Variants in DCTN1 observed in about 807,000 individuals in gnomAD.
DCTN1 encodes 150 kDa dynein-associated polypeptide.
A neutral mutation model predicts 161.2 loss-of-function variants in DCTN1; 61 were observed. That is an observed-to-expected ratio of 0.38 (90% CI 0.31 to 0.47). The LOEUF (loss-of-function observed/expected upper bound fraction) is 0.47, where lower values mean the gene tolerates loss of function less well. Among genes scored for constraint, DCTN1 ranks in the 20% least tolerant of loss-of-function variants. The probability of loss-of-function intolerance (pLI) is 0.99; values close to 1 mark genes in which losing one functional copy is unlikely to be tolerated. For synonymous variants in DCTN1, 653 were observed against 632.4 expected (o/e 1.03, Z -0.49); for missense variants, 1,404 against 1,623.7 (o/e 0.86, Z 2.33).
rs2103630069 is a variant in DCTN1 at position 74,367,768 on chromosome 2, T to C, written c.2112A>G (p.Glu704=). The change falls in exon 18 of 32, where the codon GAA becomes GAG. Residue 704 remains glutamate (E), a synonymous_variant. Transcript: ENST00000628224. The part of the protein sequence containing the change: ...AHERSLDFLI[E]LLHKDQLDET... Reference sequence around the variant, plus strand: ...CATCCAGCTGATCCTTGTGCAGCAGTTCAATGAGGAAATCCAAGGAGCGCT... The same window carrying C: ...CATCCAGCTGATCCTTGTGCAGCAGCTCAATGAGGAAATCCAAGGAGCGCT... 6.2e-7 allele frequency: 1 copy of C among 1,614,114 alleles called. No homozygotes were observed. The highest frequency in any genetic ancestry group is 8.5e-7 in the Non-Finnish European group (1 of 1,180,014).
intron 1 of DCTN1, chr2:74,391,339 C>T: frequency 5.3e-6 from 1 of 189,776 alleles, no homozygotes; most frequent in East Asian, 1.6e-4. Context: ...CGCAAGATGA[C>T]CTCAAGGATC....
At chr2:74,382,652 A>T (rs1378371458), upstream of DCTN1, among the ~76,000 whole-genome samples, 1 of 151,954 alleles carries the variant, frequency 6.6e-6, no homozygotes, top group Non-Finnish European at 1.5e-5. Context: ...AACTGCAAAG[A>T]ATTACCTGAC....
chr2:74,371,864 C>G lies in DCTN1; in HGVS notation c.454-136G>C, dbSNP rs914903033. 1.3e-5 allele frequency: 9 copies of G among 703,940 alleles called. No homozygotes were observed. The African/African-American group carries it at 1.6e-4, about 12-fold the overall frequency. The allele number at this position is 703,940 out of a possible 1,614,324, so 43.6% of individuals were successfully genotyped here. On this transcript the variant is annotated intron_variant, in intron 7 of 31. Coordinates refer to ENST00000628224, the MANE Select transcript of DCTN1 (RefSeq NM_004082.5). ...AAAGCAGAAAGAGAGTATCAAAGCA[C>G]AGTGAGAAAAGAAGAATGAAGGGGA...
At chr2:74,382,891 T>G (rs11684510), upstream of DCTN1, among the ~76,000 whole-genome samples, 1 of 151,052 alleles carries the variant, frequency 6.6e-6, no homozygotes, top group Non-Finnish European at 1.5e-5. Context: ...GCTAACAAGG[T>G]GAAACCCTGT....
chr2:74,369,886 G>C lies in DCTN1; in HGVS notation c.1392+79C>G. 6.9e-7 allele frequency: 1 copy of C among 1,439,250 alleles called. No individual in the cohort carries two copies. Among genetic ancestry groups the C allele is most frequent in the Non-Finnish European group, 9.7e-7 (1 of 1,026,754 alleles). The allele number at this position is 1,439,250 out of a possible 1,614,324, so 89.2% of individuals were successfully genotyped here. A position where few individuals can be genotyped will look rare whatever the true frequency, so the allele number is the denominator to read the frequency against. On this transcript the variant is annotated intron_variant, in intron 13 of 31. Coordinates refer to ENST00000628224, the MANE Select transcript of DCTN1 (RefSeq NM_004082.5). This position sits in a 1 kb window ranked among gnomAD's most constrained non-coding sequence, Gnocchi z 4.9. ...GGCTGGGTCCCTCACCGCACACCCT[G>C]CTCAAAGGCCAAGGGTCACATGTCA...
rs185694177 is a variant in DCTN1, at chr2:74,361,394, G to C, written c.*105C>G. The C allele has an allele frequency of 3.4e-4, 526 of 1,540,162 alleles. 2 individuals carry two copies. In the African/African-American group the frequency reaches 6.3e-3, roughly 18 times the overall value. ...AGTGAAGCTGAACGGGGCAGGAAGA[G>C]CTTAACCCACGTTTCTACCTGGGGG... On this transcript the variant is annotated 3_prime_UTR_variant, in exon 32 of 32. Transcript: ENST00000628224.
rs1359633006 is a variant in DCTN1, at chr2:74,372,938, C to T, written c.443G>A (p.Arg148Gln). 4.3e-6 allele frequency: 7 copies of T among 1,613,912 alleles called. No homozygotes were observed. The highest frequency in any genetic ancestry group is 2.7e-5 in the African/African-American group (2 of 74,934). The stretch of plus-strand genomic sequence containing the variant: ...GGCCTGTTTTCTCACCTTGGGTCGC[C>T]GAGTTGTGGTCTGGACAGGCAACAG... The part of the protein sequence containing the change: ...KAPTARKTTT[R>Q]RPKPTRPAST... The change falls in exon 7 of 32, where the codon CGG becomes CAG. Residue 148 changes from arginine (R) to glutamine (Q), a missense_variant. By Grantham distance (43) the Arg-to-Gln change is conservative. Around this residue, in one of 9 missense-constraint regions of DCTN1, gnomAD observed 174 missense variants for 175.6 expected, o/e 0.99. Coordinates refer to ENST00000628224, the MANE Select transcript of DCTN1 (RefSeq NM_004082.5).
rs759306485 is a variant in DCTN1 at position 74,369,204 on chromosome 2, C to A, written c.1595G>T (p.Arg532Leu). 6.2e-7 allele frequency: 1 copy of A among 1,614,170 alleles called. No homozygotes were observed. The highest frequency in any genetic ancestry group is 8.5e-7 in the Non-Finnish European group (1 of 1,180,038). The change falls in exon 15 of 32, where the codon CGG becomes CTG. Residue 532 changes from arginine (R) to leucine (L), a missense_variant. Arg to Leu is a moderately radical substitution (Grantham distance 102). Transcript: ENST00000628224. The surrounding 1 kb of genome is among the most constrained non-coding windows in gnomAD (Gnocchi z 4.9). ...TGCTTCCTGCTGGTTTGTCAGTTCC[C>A]GATTCACATCCTAGGAGGAGAGACA... The part of the protein sequence containing the change: ...QLTAHLQDVN[R>L]ELTNQQEASV...
intron 6 of DCTN1, among the ~76,000 whole-genome samples, chr2:74,373,742 T>C (rs1157027159): frequency 6.6e-6 from 1 of 152,236 alleles, no homozygotes; most frequent in Non-Finnish European, 1.5e-5. Context: ...TGCTACCCAG[T>C]ATCTCACTGC....
chr2:74,361,329 C>A lies in DCTN1; in HGVS notation c.*170G>T, dbSNP rs1270919372. On this transcript the variant is annotated 3_prime_UTR_variant, in exon 32 of 32. Transcript: ENST00000628224. ...AGGCCAGGGAATGGGAGTGGGGGAACCCGGGTCAAGGTGAAGGGGCAGGAC... is the reference window on the plus strand; with the variant it reads ...AGGCCAGGGAATGGGAGTGGGGGAAACCGGGTCAAGGTGAAGGGGCAGGAC... The A allele has an allele frequency of 2.1e-6, 2 of 947,126 alleles. No homozygotes were observed. The highest frequency in any genetic ancestry group is 3.3e-6 in the Non-Finnish European group (2 of 611,030). The allele number at this position is 947,126 out of a possible 1,614,324, so 58.7% of individuals were successfully genotyped here.
intron 1 of DCTN1, among the ~76,000 whole-genome samples, chr2:74,379,763 T>C (rs1675424765): frequency 6.6e-6 from 1 of 152,130 alleles, no homozygotes; most frequent in Non-Finnish European, 1.5e-5. Context: ...GAGCCCCTGG[T>C]ATGAGGGCCA....
chr2:74,369,574 T>C lies in DCTN1; in HGVS notation c.1393-83A>G, dbSNP rs1457707806. ...GTTCACACCTGTAATCCCAGCACTTTGGGAGGTCAAAGCAGGCGGATCATG... is the reference window on the plus strand; with the variant it reads ...GTTCACACCTGTAATCCCAGCACTTCGGGAGGTCAAAGCAGGCGGATCATG... On this transcript the variant is annotated intron_variant, in intron 13 of 31. Transcript: ENST00000628224. This position sits in a 1 kb window ranked among gnomAD's most constrained non-coding sequence, Gnocchi z 4.9. 4.8e-5 allele frequency: 68 copies of C among 1,429,946 alleles called. 1 individual carries two copies. The Admixed American group carries it at 9.9e-4, about 21-fold the overall frequency. 88.6% of individuals were successfully genotyped at this position (1,429,946 alleles called of 1,614,324 possible).
At chr2:74,368,165 G>A in intron 16 of DCTN1, 34 bp from the exon 17 acceptor site, 1 of 1,560,414 alleles carries the variant, frequency 6.4e-7, no homozygotes, top group Non-Finnish European at 8.7e-7. Flanking sequence ...CTGGGCCTCA[G>A]AGCAGAGGAT....
At chr2:74,381,087 A>AC (rs138631500), upstream of DCTN1, among the ~76,000 whole-genome samples, 1,728 of 152,344 alleles carry the variant, frequency 0.011, 40 homozygotes, top group African/African-American at 0.039. Flanking sequence ...TTCTTCAGTA[A>AC]CCATGTATTA....
At chr2:74,362,009 G>A (rs1674033225) in intron 31 of DCTN1, 43 bp downstream of exon 31, 1 of 1,595,298 alleles carries the variant, frequency 6.3e-7, no homozygotes, top group African/African-American at 1.3e-5. Context: ...GCCCGCCTGA[G>A]CTCTCCACAC....
At chr2:74,374,697 T>C (rs1470391239) in intron 5 of DCTN1, 6 of 1,194,586 alleles carry the variant, frequency 5.0e-6, no homozygotes, top group East Asian at 5.6e-5. Flanking sequence ...CCTGACGTCA[T>C]GCACCCACCC....
At chr2:74,377,352 C>T in intron 4 of DCTN1, 80 bp downstream of exon 4, 1 of 1,283,788 alleles carries the variant, frequency 7.8e-7, no homozygotes, top group Non-Finnish European at 1.1e-6. Context: ...ACTACTTCTA[C>T]CTGCCTAGCA....
chr2:74,382,311 C>G (rs903146996), upstream of DCTN1, among the ~76,000 whole-genome samples: 1 of 152,050 alleles, frequency 6.6e-6, no homozygotes, highest in Non-Finnish European at 1.5e-5. Context: ...TATACAGGTA[C>G]CTTGTAGGCC....
chr2:74,376,851 G>T, intron 4 of DCTN1, 89 bp from the exon 5 acceptor site: 1 of 1,217,700 alleles, frequency 8.2e-7, no homozygotes, highest in Non-Finnish European at 1.2e-6. Flanking sequence ...CAGGTTAGAC[G>T]CGGGTAGGGG....
Sources: allele counts gnomAD v4.1 joint callset (sites outside exome capture counted in the v4.1 genomes callset), GRCh38; gene constraint gnomAD v4.1.1; regional missense constraint gnomAD v4.1.1; non-coding constraint Gnocchi (gnomAD v3.1); transcripts MANE v1.5; gene names NCBI Gene and HGNC (gene_info 2026-07-23, HGNC 2026-07-21).